The following BACH2 variants were observed in gnomAD, a reference collection of about 807,000 sequenced individuals.
The protein encoded by BACH2 is BACH transcriptional regulator 2.
A neutral mutation model predicts 61.8 loss-of-function variants in BACH2; 5 were observed. That is an observed-to-expected ratio of 0.08 (90% CI 0.04 to 0.17). The LOEUF is 0.17. BACH2 is among the 10% of genes least tolerant of loss of function. The pLI, the probability that BACH2 is intolerant of heterozygous loss-of-function variation, is 1.00. For missense variants in BACH2, 824 were observed against 1,091.1 expected (o/e 0.76, Z 3.45); for synonymous variants, 446 against 440.1 (o/e 1.01, Z -0.17).
At chr6:90,145,681 G>A (rs553986633) in intron 4 of BACH2, among the ~76,000 whole-genome samples, 1 of 152,250 alleles carries the variant, frequency 6.6e-6, no homozygotes, top group East Asian at 1.9e-4. Flanking sequence ...GGTGTGCCAG[G>A]TCTTTAAATC....
intron 4 of BACH2, among the ~76,000 whole-genome samples, chr6:90,103,747 C>G (rs1018046204): frequency 6.6e-6 from 1 of 152,164 alleles, no homozygotes; most frequent in Non-Finnish European, 1.5e-5. Context: ...CTGTTAGAAA[C>G]AGATTTCATG....
rs879007439 is a variant in BACH2 at position 89,952,155 on chromosome 6, T to C, written c.244-293A>G. On this transcript the variant is annotated intron_variant, in intron 6 of 8. Coordinates refer to ENST00000257749, the MANE Select transcript of BACH2 (RefSeq NM_021813.4). Reference sequence around the variant, plus strand: ...CAGTGTTTACACTAATGAAATATCCTGGCAAAAATGCACGGTGACAATGGG... The same window carrying C: ...CAGTGTTTACACTAATGAAATATCCCGGCAAAAATGCACGGTGACAATGGG... 1.0e-5 allele frequency: 4 copies of C among 395,874 alleles called. No homozygotes were observed. The South Asian group carries it at 1.3e-4, about 13-fold the overall frequency. 24.5% of individuals were successfully genotyped at this position (395,874 alleles called of 1,614,324 possible).
chr6:90,171,734 T>C (rs1767821671), intron 4 of BACH2, among the ~76,000 whole-genome samples: 1 of 152,208 alleles, frequency 6.6e-6, no homozygotes, highest in South Asian at 2.1e-4. Flanking sequence ...ATTGAATGTA[T>C]TGAACACAGA....
At position 90,035,509 on chromosome 6, in the gene BACH2, T is replaced by C. The variant is rs16882370; in HGVS notation, c.-12-26653A>G. Among the ~76,000 whole-genome samples, 785 of 152,274 alleles carry C rather than the reference T, an allele frequency of 5.2e-3. 48 individuals carry two copies. In the East Asian group the frequency reaches 0.14, roughly 27 times the overall value. ...TTTACTCTCTTGAATGCCTTAAGTA[T>C]CTGACTAACTTCATGTTCAACTAAT... On this transcript the variant is annotated intron_variant, in intron 5 of 8. Transcript: ENST00000257749.
chr6:90,031,047 A>C (rs867716836), intron 5 of BACH2, among the ~76,000 whole-genome samples: 9 of 145,776 alleles, frequency 6.2e-5, no homozygotes, highest in Admixed American at 2.7e-4. Flanking sequence ...AGGCTGGTTC[A>C]ACATACGCAA....
chr6:90,197,589 T>C (rs1582474343), intron 4 of BACH2, among the ~76,000 whole-genome samples: 1 of 152,304 alleles, frequency 6.6e-6, no homozygotes, highest in South Asian at 2.1e-4. Context: ...GCCGTTGTTG[T>C]AGGAACCCAG....
At chr6:90,158,198 C>G (rs1023414545) in intron 4 of BACH2, among the ~76,000 whole-genome samples, 6 of 152,088 alleles carry the variant, frequency 3.9e-5, no homozygotes, top group African/African-American at 1.4e-4. Context: ...AAGAGGTAGG[C>G]AGGAGCCAGT....
At chr6:90,133,729 C>T (rs1784179862) in intron 4 of BACH2, among the ~76,000 whole-genome samples, 1 of 152,014 alleles carries the variant, frequency 6.6e-6, no homozygotes, top group Admixed American at 6.5e-5. Context: ...GTGTGATGTT[C>T]CCCTTCCTGT....
At chr6:90,087,377 C>T (rs1215118329) in intron 5 of BACH2, among the ~76,000 whole-genome samples, 1 of 152,156 alleles carries the variant, frequency 6.6e-6, no homozygotes, top group Non-Finnish European at 1.5e-5. Context: ...TATTTTTACA[C>T]TCACATCGAC....
At chr6:89,981,560 T>C (rs1238260180) in intron 6 of BACH2, among the ~76,000 whole-genome samples, 1 of 152,210 alleles carries the variant, frequency 6.6e-6, no homozygotes, top group Non-Finnish European at 1.5e-5. Context: ...CAAGCATCTA[T>C]TTGTCTACAG....
chr6:90,223,195 T>C (rs1769797725), intron 3 of BACH2, among the ~76,000 whole-genome samples: 1 of 152,226 alleles, frequency 6.6e-6, no homozygotes, highest in South Asian at 2.1e-4. Context: ...GAGCATTTAC[T>C]TCCAACACTT....
intron 6 of BACH2, among the ~76,000 whole-genome samples, chr6:89,985,492 T>C (rs1478503011): frequency 6.6e-6 from 1 of 152,086 alleles, no homozygotes; most frequent in East Asian, 1.9e-4. Context: ...ACATTAACAA[T>C]GCACAGACAT....
At chr6:90,291,560 G>GA (rs1393584005) in intron 1 of BACH2, among the ~76,000 whole-genome samples, 45 of 72,080 alleles carry the variant, frequency 6.2e-4, no homozygotes, top group Non-Finnish European at 9.7e-4. Flanking sequence ...CAAAAAAAAA[G>GA]AAAAAAAAAA....
At chr6:90,111,188 G>A (rs1438846771) in intron 4 of BACH2, among the ~76,000 whole-genome samples, 2 of 152,036 alleles carry the variant, frequency 1.3e-5, no homozygotes, top group Non-Finnish European at 2.9e-5. Context: ...AAGATCTTGC[G>A]GGCCCCCAGG....
In BACH2 at chr6:90,022,269, G is replaced by C. The variant is rs567133260; in HGVS notation, c.-12-13413C>G. Among the ~76,000 whole-genome samples the C allele has an allele frequency of 1.1e-4, 17 of 152,218 alleles. No individual in the cohort carries two copies. In the South Asian group the frequency reaches 3.3e-3, roughly 30 times the overall value. On this transcript the variant is annotated intron_variant, in intron 5 of 8. Coordinates refer to ENST00000257749, the MANE Select transcript of BACH2 (RefSeq NM_021813.4). ...GGTAATAAACTTGTGGCAACTACTA[G>C]CACTTTTCCTATATTTAAATGTAAT...
intron 4 of BACH2, among the ~76,000 whole-genome samples, chr6:90,179,420 A>T (rs1336541558): frequency 6.6e-6 from 1 of 152,230 alleles, no homozygotes; most frequent in African/African-American, 2.4e-5. Flanking sequence ...TCCTGGTGGC[A>T]TAACCAAAGG....
intron 6 of BACH2, among the ~76,000 whole-genome samples, chr6:89,970,120 AG>A (rs1259405752): frequency 1.3e-5 from 2 of 152,256 alleles, no homozygotes; most frequent in Non-Finnish European, 2.9e-5. Context: ...AGTGTCTAAA[AG>A]CAACTCCAAC....
At chr6:90,084,722 T>C (rs1781858852) in intron 5 of BACH2, among the ~76,000 whole-genome samples, 1 of 152,104 alleles carries the variant, frequency 6.6e-6, no homozygotes, top group South Asian at 2.1e-4. Flanking sequence ...AACAAATTCA[T>C]TTTACCTCTT....
intron 4 of BACH2, among the ~76,000 whole-genome samples, chr6:90,192,725 A>G (rs899479642): frequency 6.6e-6 from 1 of 152,242 alleles, no homozygotes. Context: ...TCACAAGAAG[A>G]AAAAGTGATT....
Sources: gnomAD v4.1 joint callset for allele counts (sites outside exome capture counted in the v4.1 genomes callset) on GRCh38, gnomAD v4.1.1 for gene constraint, MANE v1.5 for transcripts, NCBI Gene and HGNC (gene_info 2026-07-23, HGNC 2026-07-21) for gene names.